PTPRR: variants seen among roughly 807,000 people sequenced by gnomAD.
PTPRR encodes the protein protein tyrosine phosphatase receptor type R, also known as receptor-type tyrosine-protein phosphatase R.
In PTPRR, 38 loss-of-function variants were observed where a neutral mutation model predicts 77.2. The observed-to-expected ratio is 0.49, with a 90% CI of 0.38 to 0.65. The LOEUF is 0.65. Ranked by LOEUF, PTPRR falls within the 30% of genes least tolerant of loss-of-function variation. PTPRR has a pLI of 0.00. For missense variants in PTPRR, 744 were observed against 799.2 expected (o/e 0.93, Z 0.83); for synonymous variants, 299 against 283.1 (o/e 1.06, Z -0.57).
chr12:70,693,391 G>T (rs1237027317), intron 8 of PTPRR, among the ~76,000 whole-genome samples: 1 of 151,968 alleles, frequency 6.6e-6, no homozygotes, highest in Admixed American at 6.6e-5. Context: ...CAACCTCCCG[G>T]GCTCAAGTGA....
intron 1 of PTPRR, among the ~76,000 whole-genome samples, chr12:70,905,233 T>C (rs1433353671): frequency 1.3e-5 from 2 of 151,832 alleles, no homozygotes; most frequent in East Asian, 1.9e-4. Flanking sequence ...TGATGGTGTC[T>C]ATATTTTCTG....
At chr12:70,656,937 G>T in intron 12 of PTPRR, 120 bp from the exon 13 acceptor site, 5 of 459,414 alleles carry the variant, frequency 1.1e-5, no homozygotes, top group East Asian at 5.6e-5. Context: ...CACATATTGA[G>T]TATTATAAAC....
At chr12:70,749,661 C>T (rs1890328090) in intron 5 of PTPRR, among the ~76,000 whole-genome samples, 1 of 152,142 alleles carries the variant, frequency 6.6e-6, no homozygotes, top group African/African-American at 2.4e-5. Flanking sequence ...GATGTTAAGG[C>T]TATAGCAGGT....
intron 2 of PTPRR, among the ~76,000 whole-genome samples, chr12:70,867,260 G>A (rs973864690): frequency 6.6e-6 from 1 of 152,100 alleles, no homozygotes; most frequent in African/African-American, 2.4e-5. Flanking sequence ...GTCCCTGTTT[G>A]TAGATGACAT....
intron 2 of PTPRR, among the ~76,000 whole-genome samples, chr12:70,842,669 A>T (rs759694152): frequency 6.6e-6 from 1 of 152,080 alleles, no homozygotes; most frequent in South Asian, 2.1e-4. Context: ...CTACCTCTGT[A>T]TTTCTCTTAG....
At chr12:70,696,936 T>A (rs991380624) in intron 8 of PTPRR, among the ~76,000 whole-genome samples, 4 of 152,196 alleles carry the variant, frequency 2.6e-5, no homozygotes, top group African/African-American at 9.6e-5. Flanking sequence ...CAGTGCCTTG[T>A]TCCTTTTTAT....
chr12:70,699,995 G>A (rs1320346621), intron 7 of PTPRR, among the ~76,000 whole-genome samples: 1 of 152,112 alleles, frequency 6.6e-6, no homozygotes, highest in African/African-American at 2.4e-5. Context: ...AGAGCTGTCT[G>A]CAGTTCTAGA....
chr12:70,810,385 T>G (rs1891788169), intron 2 of PTPRR, among the ~76,000 whole-genome samples: 2 of 152,280 alleles, frequency 1.3e-5, no homozygotes, highest in South Asian at 4.1e-4. Context: ...AAACACTTAT[T>G]CTTTAAGAAC....
intron 1 of PTPRR, among the ~76,000 whole-genome samples, chr12:70,907,497 G>A (rs1466976855): frequency 6.6e-6 from 1 of 152,100 alleles, no homozygotes; most frequent in Admixed American, 6.6e-5. Flanking sequence ...ATTGACAACC[G>A]TTTCAGGAAA....
intron 2 of PTPRR, among the ~76,000 whole-genome samples, chr12:70,880,464 A>G (rs1893129816): frequency 6.6e-6 from 1 of 152,176 alleles, no homozygotes; most frequent in Non-Finnish European, 1.5e-5. Context: ...TATCCAGTGT[A>G]AGGTAGTCCC....
chr12:70,689,806 G>A (rs908034887), intron 8 of PTPRR, among the ~76,000 whole-genome samples: 2 of 152,156 alleles, frequency 1.3e-5, no homozygotes, highest in South Asian at 2.1e-4. Flanking sequence ...ACAATAGTAC[G>A]CATATCCAAA....
intron 2 of PTPRR, among the ~76,000 whole-genome samples, chr12:70,868,794 C>CCAT (rs1892907344): frequency 6.6e-6 from 1 of 151,556 alleles, no homozygotes; most frequent in Non-Finnish European, 1.5e-5. Context: ...ACCCAAATGT[C>CCAT]CAACGATAGA....
chr12:70,772,881 T>TA (rs1345344271), intron 2 of PTPRR, among the ~76,000 whole-genome samples: 3 of 151,838 alleles, frequency 2.0e-5, no homozygotes, highest in South Asian at 4.2e-4. Flanking sequence ...TATTTTTTTT[T>TA]AAGCTTAAAA....
chr12:70,766,995 A>G (rs1890841018), intron 2 of PTPRR, among the ~76,000 whole-genome samples: 1 of 152,206 alleles, frequency 6.6e-6, no homozygotes, highest in Admixed American at 6.6e-5. Flanking sequence ...GGCCTGCCCT[A>G]AAAGAACTTC....
chr12:70,818,235 C>CAAAAA (rs34025995), intron 2 of PTPRR, among the ~76,000 whole-genome samples: 6 of 68,612 alleles, frequency 8.7e-5, no homozygotes, highest in Non-Finnish European at 1.4e-4. Context: ...AACTCCGTCT[C>CAAAAA]AAAAAAAAAA....
At chr12:70,773,623 T>C (rs1891028196) in intron 2 of PTPRR, among the ~76,000 whole-genome samples, 1 of 152,002 alleles carries the variant, frequency 6.6e-6, no homozygotes, top group Non-Finnish European at 1.5e-5. Flanking sequence ...ATAAAAGAGG[T>C]ACATGAATCC....
chr12:70,900,469 AT>A (rs973981613), intron 1 of PTPRR, among the ~76,000 whole-genome samples: 1 of 151,384 alleles, frequency 6.6e-6, no homozygotes, highest in African/African-American at 2.4e-5. Context: ...CTGGGCAATG[AT>A]TTTTTTTAAA....
At chr12:70,863,158 C>T (rs955527747) in intron 2 of PTPRR, among the ~76,000 whole-genome samples, 4 of 152,096 alleles carry the variant, frequency 2.6e-5, no homozygotes, top group Non-Finnish European at 5.9e-5. Context: ...GATCAAATTA[C>T]AAACAAAATA....
At chr12:70,848,341 T>G (rs928738482) in intron 2 of PTPRR, among the ~76,000 whole-genome samples, 1 of 152,204 alleles carries the variant, frequency 6.6e-6, no homozygotes, top group South Asian at 2.1e-4. Flanking sequence ...TAATGGTTGT[T>G]TTTTTGAGAT....
Sources: allele counts gnomAD v4.1 joint callset (sites outside exome capture counted in the v4.1 genomes callset), GRCh38; gene constraint gnomAD v4.1.1; transcripts MANE v1.5; gene names NCBI Gene and HGNC (gene_info 2026-07-23, HGNC 2026-07-21).